Variants in SPG11 observed in about 807,000 individuals in gnomAD.
The protein encoded by SPG11 is spatacsin.
A neutral mutation model predicts 274.0 loss-of-function variants in SPG11; 222 were observed. The observed-to-expected ratio is 0.81, with a 90% CI of 0.73 to 0.91. The LOEUF (loss-of-function observed/expected upper bound fraction) is 0.91, where lower values mean the gene tolerates loss of function less well. Among genes scored for constraint, SPG11 ranks in the 40% least tolerant of loss-of-function variants. The pLI is 0.00. For synonymous variants in SPG11, 1,144 were observed against 1,039.7 expected (o/e 1.10, Z -1.93); for missense variants, 3,114 against 2,872.7 (o/e 1.08, Z -1.92).
At chr15:44,622,885 C>T in intron 11 of SPG11, 86 bp from the exon 12 acceptor site, 1 of 930,596 alleles carries the variant, frequency 1.1e-6, no homozygotes, top group African/African-American at 1.6e-5. Context: ...ACAGAAACAC[C>T]CTATTATAAA....
At chr15:44,632,356 A>T (rs892454004) in intron 8 of SPG11, among the ~76,000 whole-genome samples, 4 of 152,184 alleles carry the variant, frequency 2.6e-5, no homozygotes, top group Non-Finnish European at 5.9e-5. Flanking sequence ...TTTTTATTTA[A>T]CAAGGGGAAA....
chr15:44,599,914 A>C (rs1040989181), intron 21 of SPG11, among the ~76,000 whole-genome samples: 23 of 152,318 alleles, frequency 1.5e-4, no homozygotes, highest in African/African-American at 5.5e-4. Flanking sequence ...ACATAGGTAT[A>C]CATGTGCCAT....
chr15:44,591,176 C>T (rs1461603463), intron 27 of SPG11, among the ~76,000 whole-genome samples: 2 of 152,268 alleles, frequency 1.3e-5, no homozygotes, highest in South Asian at 4.2e-4. Context: ...GCAGCATCTC[C>T]CTTAATGCAA....
chr15:44,626,115 C>T (rs1005043604), intron 11 of SPG11, among the ~76,000 whole-genome samples: 14 of 151,914 alleles, frequency 9.2e-5, no homozygotes, highest in Admixed American at 5.9e-4. Flanking sequence ...TGGCCTTAAG[C>T]GATCTTCTTG....
intron 36 of SPG11, 58 bp downstream of exon 36, chr15:44,567,366 A>AT: frequency 6.4e-7 from 1 of 1,565,682 alleles, no homozygotes; most frequent in Non-Finnish European, 8.7e-7. Flanking sequence ...AAAAAAAAAA[A>AT]AGGAATTTTA....
At chr15:44,626,220 T>A in intron 11 of SPG11, 111 bp downstream of exon 11, 2 of 929,384 alleles carry the variant, frequency 2.2e-6, no homozygotes, top group Admixed American at 2.7e-5. Context: ...GTGTCATTAT[T>A]TACTACATAA....
intron 7 of SPG11, among the ~76,000 whole-genome samples, chr15:44,635,199 C>A (rs1434127548): frequency 6.6e-6 from 1 of 151,806 alleles, no homozygotes; most frequent in African/African-American, 2.4e-5. Flanking sequence ...CTGGGCAGCA[C>A]AGCAAGATGC....
intron 7 of SPG11, among the ~76,000 whole-genome samples, chr15:44,644,453 C>A (rs1000307458): frequency 6.6e-6 from 1 of 152,034 alleles, no homozygotes; most frequent in Non-Finnish European, 1.5e-5. Flanking sequence ...TATGAAAAAC[C>A]CATAGCCAAC....
intron 4 of SPG11, among the ~76,000 whole-genome samples, 173 bp downstream of exon 4, chr15:44,656,922 T>G (rs961097744): frequency 6.6e-6 from 1 of 152,108 alleles, no homozygotes; most frequent in East Asian, 1.9e-4. Flanking sequence ...AGGTAGCCAG[T>G]GGTCAGTTAT....
intron 23 of SPG11, among the ~76,000 whole-genome samples, chr15:44,597,460 T>C (rs1467696706): frequency 1.3e-5 from 2 of 152,190 alleles, no homozygotes; most frequent in African/African-American, 4.8e-5. Flanking sequence ...TAGCTTAGCA[T>C]ACTGGCACAA....
At chr15:44,645,967 A>C (rs2084596841) in intron 7 of SPG11, among the ~76,000 whole-genome samples, 1 of 152,218 alleles carries the variant, frequency 6.6e-6, no homozygotes, top group Non-Finnish European at 1.5e-5. Context: ...TATTATGAAA[A>C]AGTCAAAAAA....
intron 9 of SPG11, 26 bp from the exon 10 acceptor site, chr15:44,628,870 TTGTG>T: frequency 3.8e-6 from 6 of 1,599,602 alleles, no homozygotes; most frequent in Middle Eastern, 1.7e-4. Flanking sequence ...ATGTGCCAAT[TTGTG>T]TGTGTGTGTG....
chr15:44,570,529 A>G lies in SPG11; in HGVS notation c.6473T>C (p.Leu2158Pro). 1.2e-6 allele frequency: 2 copies of G among 1,614,118 alleles called. No homozygotes were observed. The highest frequency in any genetic ancestry group is 1.1e-5 in the South Asian group (1 of 91,080). Residue 2158 changes from leucine (L) to proline (P), a missense_variant, in exon 34 of 40, where the codon CTG becomes CCG. Physicochemically the swap from Leu to Pro is moderately conservative, Grantham distance 98. Transcript: ENST00000261866. ...GGGGTTGAGGGGGCTACTTACCACCAGCCCATACTCCTCACTGGGGGCCAG... is the reference window on the plus strand; with the variant it reads ...GGGGTTGAGGGGGCTACTTACCACCGGCCCATACTCCTCACTGGGGGCCAG... ...NHLAPSEEYG[L>P]VVRLLTGIGR...
intron 9 of SPG11, 148 bp downstream of exon 9, chr15:44,629,085 C>T (rs2083983687): frequency 3.1e-6 from 3 of 958,900 alleles, no homozygotes; most frequent in Admixed American, 2.0e-5. Flanking sequence ...TATCAAAACC[C>T]ATTTCACTTA....
chr15:44,563,222 A>T lies in SPG11; in HGVS notation c.7231T>A (p.Tyr2411Asn). The T allele has an allele frequency of 6.2e-7, 1 of 1,614,128 alleles. No homozygotes were observed. Among genetic ancestry groups the T allele is most frequent in the South Asian group, 1.1e-5 (1 of 91,086 alleles). ...LLTYCEDVYL[Y>N]YKLAYEHKFY... ...TTGTGTTCGTATGCCAACTTGTAAT[A>T]CAGGTAAACATCTTCACAATATGTG... is the stretch of plus-strand genomic sequence containing the variant. The change falls in exon 40 of 40, where the codon TAT (tyrosine) becomes AAT (asparagine). Residue 2411 changes from tyrosine to asparagine, a missense_variant. Coordinates refer to ENST00000261866, the MANE Select transcript of SPG11 (RefSeq NM_025137.4).
chr15:44,607,870 TA>T (rs2083362153), intron 19 of SPG11, among the ~76,000 whole-genome samples: 1 of 152,228 alleles, frequency 6.6e-6, no homozygotes, highest in Non-Finnish European at 1.5e-5. Context: ...AAGAGATAGT[TA>T]GAAGTTAAAA....
chr15:44,633,782 G>C (rs1295832543), intron 7 of SPG11, 145 bp from the exon 8 acceptor site: 2 of 771,688 alleles, frequency 2.6e-6, no homozygotes, highest in African/African-American at 1.8e-5. Flanking sequence ...GCTCCAGTGA[G>C]GATTTTGACA....
At chr15:44,599,789 T>C (rs906310828) in intron 21 of SPG11, among the ~76,000 whole-genome samples, 1 of 152,188 alleles carries the variant, frequency 6.6e-6, no homozygotes, top group Non-Finnish European at 1.5e-5. Context: ...CTCAATTCTG[T>C]GCCTTATAAA....
rs866759034 is a variant in SPG11, at chr15:44,584,104, C to T, written c.5576G>A (p.Ser1859Asn). 6.2e-7 allele frequency: 1 copy of T among 1,614,086 alleles called. No individual in the cohort carries two copies. The highest frequency in any genetic ancestry group is 1.3e-5 in the African/African-American group (1 of 74,922). ...LNTSKYLELN[S>N]LPSKETCENR... ...CTCGCATGTCTCTTTGGATGGAAGG[C>T]TGTTAAGTTCTAAGTATTTTGATGT... Residue 1859 changes from serine to asparagine, a missense_variant, in exon 30 of 40, where the codon AGC becomes AAC. Ser to Asn is a conservative substitution (Grantham distance 46). Transcript: ENST00000261866.
Sources: allele counts gnomAD v4.1 joint callset (sites outside exome capture counted in the v4.1 genomes callset), GRCh38; gene constraint gnomAD v4.1.1; transcripts MANE v1.5; gene names NCBI Gene and HGNC (gene_info 2026-07-23, HGNC 2026-07-21).